Variants in BRD8 observed in about 807,000 individuals in gnomAD.
BRD8 encodes bromodomain containing 8.
In BRD8, 67 loss-of-function variants were observed where a neutral mutation model predicts 143.1. That is an observed-to-expected ratio of 0.47 (90% confidence interval 0.38 to 0.57). The LOEUF (loss-of-function observed/expected upper bound fraction) is 0.57. Ranked by LOEUF, BRD8 falls within the 20% of genes least tolerant of loss-of-function variation. The pLI is 0.00. For synonymous variants in BRD8, 505 were observed against 517.1 expected (o/e 0.98, Z 0.32); for missense variants, 1,103 against 1,503.0 (o/e 0.73, Z 4.40).
At chr5:138,173,452 T>C (rs1581460418) in intron 2 of BRD8, among the ~76,000 whole-genome samples, 1 of 151,990 alleles carries the variant, frequency 6.6e-6, no homozygotes, top group African/African-American at 2.4e-5. Flanking sequence ...TGAGGAAATA[T>C]ACAGATTAGA....
At chr5:138,154,957 G>C (rs538893634) in intron 20 of BRD8, among the ~76,000 whole-genome samples, 1 of 151,124 alleles carries the variant, frequency 6.6e-6, no homozygotes, top group Non-Finnish European at 1.5e-5. Context: ...AGCCTCCCGC[G>C]TAACTGGGAT....
intron 23 of BRD8, among the ~76,000 whole-genome samples, chr5:138,148,084 C>T (rs1752226732): frequency 6.7e-6 from 1 of 149,696 alleles, no homozygotes; most frequent in Admixed American, 6.7e-5. Context: ...TTTGGCTTCC[C>T]TGGGCCACAC....
intron 2 of BRD8, 35 bp from the exon 3 acceptor site, chr5:138,172,169 C>A (rs758449091): frequency 6.5e-7 from 1 of 1,545,968 alleles, no homozygotes; most frequent in Non-Finnish European, 8.9e-7. Context: ...ACACACCAAG[C>A]AGAAAACAAT....
intron 20 of BRD8, among the ~76,000 whole-genome samples, chr5:138,155,406 G>A (rs1201687605): frequency 6.7e-6 from 1 of 149,030 alleles, no homozygotes; most frequent in South Asian, 2.1e-4. Context: ...CCGAGATTGC[G>A]CCATTGCACT....
intron 20 of BRD8, chr5:138,157,520 C>T: frequency 1.9e-6 from 1 of 519,960 alleles, no homozygotes; most frequent in Admixed American, 3.3e-5. Context: ...CACCTAGGGT[C>T]CCACAGAATA....
At chr5:138,161,116 C>A in intron 17 of BRD8, 48 bp from the exon 18 acceptor site, 1 of 1,460,964 alleles carries the variant, frequency 6.8e-7, no homozygotes, top group Non-Finnish European at 9.4e-7. Context: ...GGAAAGAGGA[C>A]GCACCTAGAT....
intron 2 of BRD8, among the ~76,000 whole-genome samples, chr5:138,176,507 G>A (rs1754348238): frequency 6.6e-6 from 1 of 152,164 alleles, no homozygotes; most frequent in Non-Finnish European, 1.5e-5. Context: ...CTGGGAGGCG[G>A]AGGTTGCAGT....
intron 23 of BRD8, among the ~76,000 whole-genome samples, chr5:138,148,706 C>T (rs1752264359): frequency 6.6e-6 from 1 of 151,978 alleles, no homozygotes; most frequent in South Asian, 2.1e-4. Context: ...TTATCCTCTT[C>T]CTTGTCTCCA....
chr5:138,151,421 CAT>C (rs1327742736), intron 21 of BRD8, among the ~76,000 whole-genome samples: 2 of 152,210 alleles, frequency 1.3e-5, no homozygotes, highest in Non-Finnish European at 2.9e-5. Context: ...TAACAGCATA[CAT>C]ATAACTCTCT....
intron 20 of BRD8, among the ~76,000 whole-genome samples, chr5:138,153,859 A>G (rs1242401161): frequency 3.3e-5 from 5 of 151,868 alleles, no homozygotes; most frequent in Non-Finnish European, 7.4e-5. Context: ...GTATATTTAT[A>G]GAGACGGGGT....
At chr5:138,163,024 G>A (rs1753118529) in intron 15 of BRD8, 106 bp downstream of exon 15, 2 of 974,454 alleles carry the variant, frequency 2.1e-6, no homozygotes, top group African/African-American at 1.8e-5. Context: ...GGAAAGGAAA[G>A]GGAAAAGAAA....
chr5:138,145,336 AG>A, intron 24 of BRD8, 91 bp from the exon 25 acceptor site: 1 of 1,089,378 alleles, frequency 9.2e-7, no homozygotes, highest in Non-Finnish European at 1.4e-6. Flanking sequence ...GACTTCCTTT[AG>A]GGGAATGCAG....
intron 2 of BRD8, among the ~76,000 whole-genome samples, chr5:138,175,865 G>A (rs1473251682): frequency 8.3e-6 from 1 of 120,966 alleles, no homozygotes; most frequent in Non-Finnish European, 1.6e-5. Context: ...AGTGAACCAC[G>A]ATCGCACTAC....
chr5:138,140,129 CT>C lies in BRD8; in HGVS notation c.3652del (p.Ser1218ValfsTer25). 6.2e-7 allele frequency: 1 copy of C among 1,613,982 alleles called. No homozygotes were observed. Among genetic ancestry groups the C allele is most frequent in the Non-Finnish European group, 8.5e-7 (1 of 1,179,870 alleles). ...NIWLDKRKGSSSLEGEPANPV... is the reference protein window; with the variant it reads ...NIWLDKRKGSXSLEGEPANPV... ...GTTAGCTGGTTCTCCTTCCAGACTA[CT>C]TGAGCCTTTTCTTTTGTCTAACCAG... On this transcript the variant is annotated frameshift_variant, in exon 27 of 27. Coordinates refer to ENST00000254900, the MANE Select transcript of BRD8 (RefSeq NM_139199.2). LOFTEE classifies it high-confidence loss of function.
chr5:138,142,680 T>G (rs1278319577), intron 25 of BRD8, among the ~76,000 whole-genome samples: 1 of 150,816 alleles, frequency 6.6e-6, no homozygotes, highest in Admixed American at 6.7e-5. Flanking sequence ...GGAGAATCAC[T>G]TGAACCCGGG....
chr5:138,163,349 G>C lies in BRD8; in HGVS notation c.1873-5C>G, dbSNP rs1269432436. ...CTCATCCTCACCTGGGGCATCCTTA[G>C]ATACAGTATGCTCCAGTTAACAAAT... On this transcript the variant is annotated splice_region_variant and splice_polypyrimidine_tract_variant and intron_variant, in intron 14 of 26. Coordinates refer to ENST00000254900, the MANE Select transcript of BRD8 (RefSeq NM_139199.2). 6.2e-7 allele frequency: 1 copy of C among 1,613,326 alleles called. No individual in the cohort carries two copies. Among genetic ancestry groups the C allele is most frequent in the Non-Finnish European group, 8.5e-7 (1 of 1,179,564 alleles).
rs1753446968 is a variant in BRD8, at chr5:138,166,647, T to C, written c.868A>G (p.Ser290Gly). 5 of 1,613,924 alleles carry C rather than the reference T, an allele frequency of 3.1e-6. No individual in the cohort carries two copies. In the East Asian group the frequency reaches 1.1e-4, roughly 36 times the overall value. The change falls in exon 10 of 27, where the codon AGT becomes GGT. Residue 290 changes from serine (S) to glycine (G), a missense_variant. Transcript: ENST00000254900. The stretch of plus-strand genomic sequence containing the variant: ...GGCACAAGTTTAACTGGAGGCTCAC[T>C]GGCAACAGTAGTGAAGGAAGCAAGA... ...TPLASFTTVA[S>G]EPPVKLVPPP...
intron 26 of BRD8, 52 bp downstream of exon 26, chr5:138,140,653 T>A: frequency 6.4e-7 from 1 of 1,559,782 alleles, no homozygotes; most frequent in Non-Finnish European, 8.8e-7. Flanking sequence ...TTTATTCTCA[T>A]AGGCGTTCTG....
intron 21 of BRD8, among the ~76,000 whole-genome samples, chr5:138,151,867 T>G (rs950407780): frequency 2.7e-5 from 4 of 150,300 alleles, no homozygotes; most frequent in Admixed American, 2.7e-4. Context: ...TTAATTTATT[T>G]ATTTAGAGAC....
Sources: gnomAD v4.1 joint callset for allele counts (sites outside exome capture counted in the v4.1 genomes callset) on GRCh38, gnomAD v4.1.1 for gene constraint, MANE v1.5 for transcripts, NCBI Gene and HGNC (gene_info 2026-07-23, HGNC 2026-07-21) for gene names.